PCDHA12: variants seen among roughly 807,000 people sequenced by gnomAD.
PCDHA12 encodes the protein protocadherin alpha-12.
In PCDHA12, 44 loss-of-function variants were observed where a neutral mutation model predicts 60.0. The ratio of observed to expected loss-of-function variants is 0.73; its 90% CI spans 0.58 to 0.94. The LOEUF (loss-of-function observed/expected upper bound fraction) is 0.94, where lower values mean the gene tolerates loss of function less well. Ranked by LOEUF, PCDHA12 falls within the 40% of genes least tolerant of loss-of-function variation. PCDHA12 has a pLI of 0.00. For synonymous variants in PCDHA12, 569 were observed against 553.0 expected (o/e 1.03, Z -0.40); for missense variants, 1,276 against 1,239.7 (o/e 1.03, Z -0.44).
chr5:140,967,130 G>A (rs1554229204), intron 1 of PCDHA12: 1 of 1,612,184 alleles, frequency 6.2e-7, no homozygotes, highest in East Asian at 2.2e-5. Flanking sequence ...GCTCAGCTTG[G>A]AAGTGCTGGC....
rs1554168317 is a variant in PCDHA12 at position 140,876,166 on chromosome 5, G to A, written c.694G>A (p.Val232Ile). The change falls in exon 1 of 4, where the codon GTC becomes ATC. Residue 232 changes from valine (V) to isoleucine (I), a missense_variant. Physicochemically the swap from Val to Ile is conservative, Grantham distance 29. Coordinates refer to ENST00000398631, the MANE Select transcript of PCDHA12 (RefSeq NM_018903.4). Reference protein sequence around the residue: ...LTGSVQIQITVLDVNDNGPAF... With the variant: ...LTGSVQIQITILDVNDNGPAF... ...AGGGTCTGTCCAGATTCAAATAACCGTCCTGGATGTGAATGACAATGGTCC... is the reference window on the plus strand; with the variant it reads ...AGGGTCTGTCCAGATTCAAATAACCATCCTGGATGTGAATGACAATGGTCC... 4 of 1,613,964 alleles carry A rather than the reference G, an allele frequency of 2.5e-6. No homozygotes were observed. The highest frequency in any genetic ancestry group is 3.3e-4 in the Middle Eastern group (2 of 6,062).
chr5:140,911,687 G>A (rs1554194873), intron 1 of PCDHA12, among the ~76,000 whole-genome samples: 1 of 152,166 alleles, frequency 6.6e-6, no homozygotes, highest in Non-Finnish European at 1.5e-5. Context: ...CGTGCATCAG[G>A]AGTGTCAAAT....
chr5:140,883,860 T>C, intron 1 of PCDHA12: 2 of 1,613,044 alleles, frequency 1.2e-6, no homozygotes, highest in Non-Finnish European at 1.7e-6. Flanking sequence ...CTGGAGCTGT[T>C]GCAGTTCCAG....
intron 1 of PCDHA12, among the ~76,000 whole-genome samples, chr5:140,915,190 G>T (rs1317793585): frequency 1.3e-5 from 2 of 151,978 alleles, no homozygotes; most frequent in African/African-American, 4.8e-5. Flanking sequence ...CTAGTGATCC[G>T]CCCATCTTGG....
At chr5:140,971,977 G>A (rs891260348) in intron 1 of PCDHA12, among the ~76,000 whole-genome samples, 1 of 152,022 alleles carries the variant, frequency 6.6e-6, no homozygotes, top group Non-Finnish European at 1.5e-5. Context: ...AATACTATGA[G>A]TAGACAGAAG....
chr5:140,900,927 G>A (rs2068371563), intron 1 of PCDHA12, among the ~76,000 whole-genome samples: 2 of 152,056 alleles, frequency 1.3e-5, no homozygotes, highest in South Asian at 4.1e-4. Context: ...ATATCTCATT[G>A]TAGTTTTGAT....
At chr5:140,942,913 G>T (rs1467978300) in intron 1 of PCDHA12, among the ~76,000 whole-genome samples, 1 of 148,868 alleles carries the variant, frequency 6.7e-6, no homozygotes, top group South Asian at 2.1e-4. Flanking sequence ...TAAGCGTGAA[G>T]AAAAAAAAAA....
At chr5:140,906,248 T>C (rs143429198) in intron 1 of PCDHA12, among the ~76,000 whole-genome samples, 45 of 152,272 alleles carry the variant, frequency 3.0e-4, no homozygotes, top group African/African-American at 1.1e-3. Context: ...CTTGAACCCA[T>C]ACACACCTCC....
intron 3 of PCDHA12, among the ~76,000 whole-genome samples, 189 bp from the exon 4 acceptor site, chr5:141,009,438 T>C (rs1024999058): frequency 6.6e-6 from 1 of 152,190 alleles, no homozygotes; most frequent in African/African-American, 2.4e-5. Context: ...AGGGAAATCC[T>C]GTCTCAAAAA....
chr5:140,898,887 C>T (rs1554188288), intron 1 of PCDHA12, among the ~76,000 whole-genome samples: 1 of 152,028 alleles, frequency 6.6e-6, no homozygotes, highest in Non-Finnish European at 1.5e-5. Context: ...TTGTAGTTCT[C>T]CTTGAAGAGG....
intron 1 of PCDHA12, chr5:140,929,001 G>A (rs782325865): frequency 6.2e-7 from 1 of 1,613,996 alleles, no homozygotes; most frequent in East Asian, 2.2e-5. Context: ...TTTTCTTCGT[G>A]TGTACCAAGT....
At chr5:141,000,422 T>TATC (rs1491457105) in intron 3 of PCDHA12, among the ~76,000 whole-genome samples, 2 of 51,852 alleles carry the variant, frequency 3.9e-5, no homozygotes, top group African/African-American at 1.7e-4. Context: ...TATATATATA[T>TATC]TTTTTTTTTT....
At chr5:140,882,143 C>T in intron 1 of PCDHA12, 1 of 1,494,048 alleles carries the variant, frequency 6.7e-7, no homozygotes, top group Non-Finnish European at 8.9e-7. Context: ...GAAAATATAG[C>T]AGAAAGCGGA....
At chr5:140,922,181 A>G (rs2080696715) in intron 1 of PCDHA12, among the ~76,000 whole-genome samples, 1 of 152,324 alleles carries the variant, frequency 6.6e-6, no homozygotes, top group South Asian at 2.1e-4. Context: ...GCAGACAAAA[A>G]AAAAGTCTTA....
chr5:140,972,316 G>GTT (rs112435719), intron 1 of PCDHA12, among the ~76,000 whole-genome samples: 1 of 139,858 alleles, frequency 7.2e-6, no homozygotes, highest in Non-Finnish European at 1.6e-5. Flanking sequence ...GTTTTTAGGT[G>GTT]TTTTTTTTTT....
At chr5:140,963,952 G>T (rs1466185819) in intron 1 of PCDHA12, among the ~76,000 whole-genome samples, 1 of 152,176 alleles carries the variant, frequency 6.6e-6, no homozygotes, top group Non-Finnish European at 1.5e-5. Context: ...TTAGTCACTG[G>T]CAGGAGTGTG....
intron 1 of PCDHA12, among the ~76,000 whole-genome samples, chr5:140,978,211 A>T (rs185344384): frequency 1.3e-5 from 2 of 152,340 alleles, no homozygotes; most frequent in African/African-American, 4.8e-5. Flanking sequence ...AACTAATGCA[A>T]AATGTATCAG....
At chr5:140,917,245 G>A (rs2077971406) in intron 1 of PCDHA12, among the ~76,000 whole-genome samples, 1 of 149,588 alleles carries the variant, frequency 6.7e-6, no homozygotes, top group Non-Finnish European at 1.5e-5. Context: ...TAGGTACTAC[G>A]ATTGCTCACC....
intron 1 of PCDHA12, chr5:140,927,627 T>G (rs145171269): frequency 6.2e-7 from 1 of 1,614,180 alleles, no homozygotes; most frequent in Non-Finnish European, 8.5e-7. Context: ...TTCCAGAGAC[T>G]GCACCCAATG....
Sources: gnomAD v4.1 joint callset for allele counts (sites outside exome capture counted in the v4.1 genomes callset) on GRCh38, gnomAD v4.1.1 for gene constraint, MANE v1.5 for transcripts, NCBI Gene and HGNC (gene_info 2026-07-23, HGNC 2026-07-21) for gene names.